Variants in SORD observed in about 807,000 individuals in gnomAD.
SORD encodes the protein (R,R)-butanediol dehydrogenase.
A neutral mutation model predicts 35.6 loss-of-function variants in SORD; 18 were observed. That is an observed-to-expected ratio of 0.51 (90% CI 0.35 to 0.75). The LOEUF is 0.75. Ranked by LOEUF, SORD falls within the 30% of genes least tolerant of loss-of-function variation. The probability of loss-of-function intolerance (pLI) is 0.01; values close to 1 mark genes in which losing one functional copy is unlikely to be tolerated. For missense variants in SORD, 250 were observed against 390.2 expected (o/e 0.64, Z 3.03); for synonymous variants, 106 against 152.9 (o/e 0.69, Z 2.26).
chr15:45,060,901 G>C, intron 3 of SORD, 166 bp from the exon 4 acceptor site: 4 of 1,448,846 alleles, frequency 2.8e-6, no homozygotes, highest in Non-Finnish European at 3.7e-6. Flanking sequence ...AGGGTGGCTC[G>C]TTAAGCTAGA....
intron 7 of SORD, among the ~76,000 whole-genome samples, chr15:45,070,996 TATAGGC>T (rs1469079973): frequency 2.6e-5 from 4 of 152,216 alleles, no homozygotes; most frequent in African/African-American, 9.7e-5. Flanking sequence ...TGTAGAATGC[TATAGGC>T]CACCCCGCCA....
At chr15:45,055,285 C>T (rs1010191274) in intron 3 of SORD, among the ~76,000 whole-genome samples, 2 of 152,078 alleles carry the variant, frequency 1.3e-5, no homozygotes, top group South Asian at 4.1e-4. Flanking sequence ...CAAATAGATG[C>T]AATAAAAAAT....
chr15:45,050,003 G>A (rs1212493193), intron 3 of SORD, among the ~76,000 whole-genome samples: 2 of 152,236 alleles, frequency 1.3e-5, no homozygotes, highest in Admixed American at 1.3e-4. Flanking sequence ...TTTGCATAAA[G>A]TACAGCAAGA....
intron 4 of SORD, among the ~76,000 whole-genome samples, chr15:45,063,503 G>A (rs1487403198): frequency 6.6e-6 from 1 of 151,992 alleles, no homozygotes; most frequent in African/African-American, 2.4e-5. Flanking sequence ...TGGCAGCGGG[G>A]CTGGCCTCCA....
chr15:45,038,619 T>A (rs1350884496), intron 1 of SORD, among the ~76,000 whole-genome samples: 2 of 152,010 alleles, frequency 1.3e-5, no homozygotes, highest in Non-Finnish European at 2.9e-5. Flanking sequence ...AACACTTGAG[T>A]TTAGGGACAA....
intron 3 of SORD, among the ~76,000 whole-genome samples, chr15:45,051,342 T>A (rs1309261156): frequency 6.6e-6 from 1 of 152,214 alleles, no homozygotes; most frequent in African/African-American, 2.4e-5. Flanking sequence ...TAAACATGAC[T>A]TTGGCAATCC....
At chr15:45,051,248 C>A (rs539955525) in intron 3 of SORD, among the ~76,000 whole-genome samples, 35 of 152,276 alleles carry the variant, frequency 2.3e-4, no homozygotes, top group African/African-American at 8.4e-4. Flanking sequence ...TGATTGATAG[C>A]AAATACTCAG....
chr15:45,025,889 AC>A (rs1273919644), intron 1 of SORD, among the ~76,000 whole-genome samples: 1 of 152,254 alleles, frequency 6.6e-6, no homozygotes, highest in Non-Finnish European at 1.5e-5. Context: ...ATCTTGCACA[AC>A]AAAGAGTTGT....
intron 3 of SORD, among the ~76,000 whole-genome samples, chr15:45,048,365 G>A (rs1456586942): frequency 3.3e-5 from 5 of 152,162 alleles, no homozygotes; most frequent in Non-Finnish European, 5.9e-5. Context: ...GCAGAAGACT[G>A]ACTAATCCTG....
intron 3 of SORD, among the ~76,000 whole-genome samples, chr15:45,049,270 T>C (rs1595501639): frequency 6.6e-6 from 1 of 152,170 alleles, no homozygotes; most frequent in East Asian, 1.9e-4. Context: ...GTGGAGACTC[T>C]AACTGCTGTT....
chr15:45,025,343 A>C (rs1169527844), intron 1 of SORD, among the ~76,000 whole-genome samples: 1 of 152,156 alleles, frequency 6.6e-6, no homozygotes, highest in East Asian at 1.9e-4. Flanking sequence ...GTTGAGTTTA[A>C]GATGTCTCTG....
rs147928721 is a variant in SORD at position 45,073,498 on chromosome 15, C to T, written c.1042C>T (p.Leu348Phe). The change falls in exon 9 of 9, where the codon CTC becomes TTC. Residue 348 changes from leucine to phenylalanine, a missense_variant. Transcript: ENST00000267814. ...AAAGGGATTGGGGTTGAAAATCATG[C>T]TCAAGTGTGACCCCAGTGACCAGAA... ...FKKGLGLKIM[L>F]KCDPSDQNP 197 of 1,561,824 alleles carry T rather than the reference C, an allele frequency of 1.3e-4. 3 individuals carry two copies. In the South Asian group the frequency reaches 2.3e-3, roughly 18 times the overall value.
chr15:45,054,881 A>G (rs897432146), intron 3 of SORD, among the ~76,000 whole-genome samples: 26 of 151,878 alleles, frequency 1.7e-4, no homozygotes, highest in African/African-American at 6.3e-4. Flanking sequence ...CAGTTTTCCC[A>G]GCACCATTTA....
Position 45,023,232 on chromosome 15 carries a change from C to A in SORD, c.-52C>A. The A allele has an allele frequency of 6.8e-7, 1 of 1,463,292 alleles. No homozygotes were observed. Among genetic ancestry groups the A allele is most frequent in the Non-Finnish European group, 9.1e-7 (1 of 1,096,390 alleles). 90.6% of individuals were successfully genotyped at this position (1,463,292 alleles called of 1,614,324 possible). A position where few individuals can be genotyped will look rare whatever the true frequency, so the allele number is the denominator to read the frequency against. On this transcript the variant is annotated 5_prime_UTR_variant, in exon 1 of 9. Transcript: ENST00000267814. Reference sequence around the variant, plus strand: ...CCTCGGCTGGGTAGCGCCACCAGAGCGACCAAACGTCCCGCGCCTTCCAGG... The same window carrying A: ...CCTCGGCTGGGTAGCGCCACCAGAGAGACCAAACGTCCCGCGCCTTCCAGG...
intron 1 of SORD, among the ~76,000 whole-genome samples, chr15:45,039,761 G>A (rs778848020): frequency 6.6e-6 from 1 of 152,208 alleles, no homozygotes; most frequent in Non-Finnish European, 1.5e-5. Context: ...TGGCAGCACA[G>A]ACACTTTCTC....
chr15:45,060,435 A>G (rs1893283974), intron 3 of SORD, among the ~76,000 whole-genome samples: 1 of 152,128 alleles, frequency 6.6e-6, no homozygotes, highest in Non-Finnish European at 1.5e-5. Flanking sequence ...TAGAAATATA[A>G]TAGAGCTGGC....
At chr15:45,025,105 C>T (rs1892649592) in intron 1 of SORD, among the ~76,000 whole-genome samples, 1 of 152,194 alleles carries the variant, frequency 6.6e-6, no homozygotes, top group Admixed American at 6.5e-5. Flanking sequence ...GCATTAGAAC[C>T]CACTCTCTGA....
intron 1 of SORD, among the ~76,000 whole-genome samples, chr15:45,029,353 C>A (rs1892730931): frequency 1.3e-5 from 2 of 152,282 alleles, no homozygotes; most frequent in African/African-American, 4.8e-5. Flanking sequence ...CAAGCTTTTT[C>A]TTGGCCCCTT....
intron 1 of SORD, among the ~76,000 whole-genome samples, chr15:45,025,626 A>T (rs1226969985): frequency 3.0e-5 from 4 of 135,152 alleles, no homozygotes; most frequent in Non-Finnish European, 6.2e-5. Context: ...AACTATGTCA[A>T]AAAAAAAAAA....
Sources: allele counts gnomAD v4.1 joint callset (sites outside exome capture counted in the v4.1 genomes callset), GRCh38; gene constraint gnomAD v4.1.1; transcripts MANE v1.5; gene names NCBI Gene and HGNC (gene_info 2026-07-23, HGNC 2026-07-21).